UBN2: variants seen among roughly 807,000 people sequenced by gnomAD.
UBN2 encodes ubinuclein 2, also known as ubinuclein-2.
Under a neutral mutation model 120.2 loss-of-function variants are expected in UBN2, and 35 were observed. The ratio of observed to expected loss-of-function variants is 0.29; its 90% confidence interval spans 0.22 to 0.39. The LOEUF is 0.39. Among genes scored for constraint, UBN2 ranks in the 10% least tolerant of loss-of-function variants. The pLI is 1.00. For synonymous variants in UBN2, 661 were observed against 648.7 expected, an observed-to-expected ratio of 1.02 and a Z score of -0.29; for missense variants, 1,693 against 1,663.2, an observed-to-expected ratio of 1.02 and a Z score of -0.31.
chr7:139,276,034 A>C, intron 11 of UBN2, 63 bp from the exon 12 acceptor site: 1 of 1,323,694 alleles, frequency 7.6e-7, no homozygotes, highest in Non-Finnish European at 1.0e-6. Context: ...TTTAAAAAAT[A>C]AAACAATTAT....
intron 13 of UBN2, 133 bp from the exon 14 acceptor site, chr7:139,281,872 A>T: frequency 1.4e-6 from 1 of 719,836 alleles, no homozygotes; most frequent in Non-Finnish European, 2.4e-6. Context: ...TGTGACCTTA[A>T]TGCAGTTACA....
chr7:139,276,256 T>C, intron 12 of UBN2, 109 bp downstream of exon 12: 2 of 1,064,192 alleles, frequency 1.9e-6, no homozygotes, highest in Non-Finnish European at 2.9e-6. Context: ...AAAAGATCAT[T>C]TTGACCATTG....
At chr7:139,296,967 G>A (rs1798126980) in intron 17 of UBN2, among the ~76,000 whole-genome samples, 1 of 152,148 alleles carries the variant, frequency 6.6e-6, no homozygotes, top group African/African-American at 2.4e-5. Context: ...GGTTGAGGCA[G>A]GGTGGATCAT....
At chr7:139,326,317 A>G in the UBN2 span, among the ~76,000 whole-genome samples, 1 of 152,260 alleles carries the variant, frequency 6.6e-6, no homozygotes, top group African/African-American at 2.4e-5. Context: ...CATTCAGCAT[A>G]TGTACACACA....
chr7:139,243,900 T>A (rs1796389887), intron 2 of UBN2, among the ~76,000 whole-genome samples: 1 of 152,204 alleles, frequency 6.6e-6, no homozygotes, highest in African/African-American at 2.4e-5. Flanking sequence ...TTTCCAAAAC[T>A]CTTTCCCCAC....
intron 6 of UBN2, among the ~76,000 whole-genome samples, chr7:139,261,948 C>CTTTTTTTTTTTTTTTTTTTT (rs72000087): frequency 7.6e-6 from 1 of 131,972 alleles, no homozygotes; most frequent in Non-Finnish European, 1.6e-5. Flanking sequence ...TTCTTTCTTT[C>CTTTTTTTTTTTTTTTTTTTT]TTTTTTTTTT....
the UBN2 span, among the ~76,000 whole-genome samples, chr7:139,325,032 T>G: frequency 1.3e-5 from 2 of 152,146 alleles, no homozygotes; most frequent in Admixed American, 1.3e-4. Flanking sequence ...GTCAATAAAA[T>G]ACACAATCAT....
the UBN2 span, among the ~76,000 whole-genome samples, chr7:139,328,127 C>G: frequency 6.6e-6 from 1 of 152,200 alleles, no homozygotes; most frequent in Non-Finnish European, 1.5e-5. Context: ...TCTATTTTCA[C>G]ACTGCTATAA....
intron 2 of UBN2, 40 bp from the exon 3 acceptor site, chr7:139,251,916 C>A: frequency 6.4e-7 from 1 of 1,569,172 alleles, no homozygotes; most frequent in Non-Finnish European, 8.8e-7. Flanking sequence ...ATGGAAACAG[C>A]ATGAGTACCA....
intron 6 of UBN2, among the ~76,000 whole-genome samples, chr7:139,264,467 T>A (rs548179525): frequency 6.6e-6 from 1 of 152,306 alleles, no homozygotes; most frequent in African/African-American, 2.4e-5. Context: ...CTTCTTGGAT[T>A]CAAGTTAGAT....
At chr7:139,319,566 G>A in the UBN2 span, among the ~76,000 whole-genome samples, 1 of 151,964 alleles carries the variant, frequency 6.6e-6, no homozygotes, top group Non-Finnish European at 1.5e-5. Context: ...GTCCAGCCTG[G>A]GCAACATAGC....
chr7:139,316,825 T>G, the UBN2 span, among the ~76,000 whole-genome samples: 1 of 152,140 alleles, frequency 6.6e-6, no homozygotes, highest in African/African-American at 2.4e-5. Flanking sequence ...ATTTTTCTGT[T>G]AGGAAGATTA....
At chr7:139,246,627 C>T (rs1289237683) in intron 2 of UBN2, among the ~76,000 whole-genome samples, 1 of 152,124 alleles carries the variant, frequency 6.6e-6, no homozygotes, top group Non-Finnish European at 1.5e-5. Flanking sequence ...TTAACAGATG[C>T]GTGCAATCCT....
Position 139,237,183 on chromosome 7 carries a change from T to C in UBN2, c.561+86T>C, listed in dbSNP as rs116317647. 1,120 of 825,064 alleles carry C rather than the reference T, an allele frequency of 1.4e-3. 8 individuals are homozygous for C. The African/African-American group carries it at 0.017, about 12-fold the overall frequency. The allele number at this position is 825,064 out of a possible 1,614,324, so 51.1% of individuals were successfully genotyped here. On this transcript the variant is annotated intron_variant, in intron 2 of 17. Coordinates refer to ENST00000473989, the MANE Select transcript of UBN2 (RefSeq NM_173569.4). ...GGCTGGTTGGGAGGGCCTATAAATA[T>C]CCGTTGCCTGCCTTACTTTGTTCTC... is the stretch of plus-strand genomic sequence containing the variant.
chr7:139,240,450 A>T (rs1014161180), intron 2 of UBN2, among the ~76,000 whole-genome samples: 117 of 37,354 alleles, frequency 3.1e-3, no homozygotes, highest in South Asian at 0.012. Context: ...ATATATATAT[A>T]TATATTTTTT....
At position 139,303,128 on chromosome 7, in the gene UBN2, A is replaced by G. The variant is rs908347716; in HGVS notation, c.*5292A>G. ...TTAAAAGGTTAATAAACTCAGAAGT[A>G]GAAAGACTTCAGATGCTGAGGAAAA... On this transcript the variant is annotated 3_prime_UTR_variant, in exon 18 of 18. Coordinates refer to ENST00000473989, the MANE Select transcript of UBN2 (RefSeq NM_173569.4). The G allele has an allele frequency of 2.0e-5, 3 of 152,262 alleles. No individual in the cohort carries two copies. The highest frequency in any genetic ancestry group is 4.4e-5 in the Non-Finnish European group (3 of 68,052). The allele number at this position is 152,262 out of a possible 1,614,324, so 9.4% of individuals were successfully genotyped here.
Position 139,271,236 on chromosome 7 carries a change from A to G in UBN2, c.1597-1086A>G, listed in dbSNP as rs374105989. Among the ~76,000 whole-genome samples, 280 of 152,324 alleles carry G rather than the reference A, an allele frequency of 1.8e-3. 3 individuals are homozygous for G. The Middle Eastern group carries it at 0.044, about 24-fold the overall frequency. On this transcript the variant is annotated intron_variant, in intron 8 of 17. Coordinates refer to ENST00000473989, the MANE Select transcript of UBN2 (RefSeq NM_173569.4). ...ACTGGTGTTCATGGAATAGGTTAAT[A>G]TGCTTATTTGTAATATTTGTGTTTT...
intron 3 of UBN2, among the ~76,000 whole-genome samples, chr7:139,254,344 A>G (rs1356838265): frequency 1.3e-5 from 2 of 152,166 alleles, no homozygotes; most frequent in Admixed American, 1.3e-4. Flanking sequence ...TATTTACCAT[A>G]CTAGGCAGTC....
At position 139,274,197 on chromosome 7, in the gene UBN2, G is replaced by C; in HGVS notation, c.1973+123G>C. 4 of 957,632 alleles carry C rather than the reference G, an allele frequency of 4.2e-6. No homozygotes were observed. In the South Asian group the frequency reaches 7.5e-5, roughly 18 times the overall value. The allele number at this position is 957,632 out of a possible 1,614,324, so 59.3% of individuals were successfully genotyped here. A position where few individuals can be genotyped will look rare whatever the true frequency, so the allele number is the denominator to read the frequency against. On this transcript the variant is annotated intron_variant, in intron 11 of 17. Coordinates refer to ENST00000473989, the MANE Select transcript of UBN2 (RefSeq NM_173569.4). ...AAGAACCTAATATATTCAGCATGCT[G>C]TCTAGTCATCTCAGATGATCCTTGC...
Sources: gnomAD v4.1 joint callset for allele counts (sites outside exome capture counted in the v4.1 genomes callset) on GRCh38, gnomAD v4.1.1 for gene constraint, MANE v1.5 for transcripts, NCBI Gene and HGNC (gene_info 2026-07-23, HGNC 2026-07-21) for gene names.